Variants in PKD1L1 observed in about 807,000 individuals in gnomAD.
PKD1L1 encodes polycystin 1 like 1, transient receptor potential channel interacting.
Under a neutral mutation model 323.4 loss-of-function variants are expected in PKD1L1, and 236 were observed. The ratio of observed to expected loss-of-function variants is 0.73; its 90% CI spans 0.66 to 0.81. The LOEUF is 0.81. Ranked by LOEUF, PKD1L1 falls within the 40% of genes least tolerant of loss-of-function variation. The probability of loss-of-function intolerance (pLI) is 0.00; values close to 1 mark genes in which losing one functional copy is unlikely to be tolerated. For missense variants in PKD1L1, 3,320 were observed against 3,508.0 expected (o/e 0.95, Z 1.35); for synonymous variants, 1,344 against 1,335.0 (o/e 1.01, Z -0.15).
intron 56 of PKD1L1, among the ~76,000 whole-genome samples, chr7:47,788,044 T>C (rs1197825079): frequency 1.3e-5 from 2 of 152,180 alleles, no homozygotes; most frequent in African/African-American, 4.8e-5. Flanking sequence ...AATCTTTTTG[T>C]CCTTAACCTT....
intron 36 of PKD1L1, 64 bp from the exon 37 acceptor site, chr7:47,837,158 C>G: frequency 1.3e-6 from 2 of 1,560,010 alleles, no homozygotes; most frequent in African/African-American, 1.3e-5. Flanking sequence ...AAGCAAAGTA[C>G]TGTTAAGCAG....
At position 47,829,417 on chromosome 7, in the gene PKD1L1, T is replaced by G. The variant is rs771780823; in HGVS notation, c.6735+8A>C. 1.3e-6 allele frequency: 2 copies of G among 1,588,504 alleles called. No homozygotes were observed. The highest frequency in any genetic ancestry group is 1.7e-6 in the Non-Finnish European group (2 of 1,170,212). On this transcript the variant is annotated splice_region_variant and intron_variant, in intron 44 of 56. Transcript: ENST00000289672. ...CTCAATTTGCACTGCATAGGTAATT[T>G]TTTTTACTTTTTCAACCTCGCCTGC...
chr7:47,894,254 C>G lies in PKD1L1; in HGVS notation c.2272-195G>C, dbSNP rs17131917. ...AGAGCTGTGACTGGAGTCCACGAGA[C>G]CATGGACATCTTCCTATCCAAGCTT... On this transcript the variant is annotated intron_variant, in intron 14 of 56. Transcript: ENST00000289672. Among the ~76,000 whole-genome samples, 2,555 of 152,288 alleles carry G rather than the reference C, an allele frequency of 0.017. 77 individuals are homozygous for G. Among genetic ancestry groups the G allele is most frequent in the African/African-American group, 0.058 (2,393 of 41,548 alleles).
the PKD1L1 span, among the ~76,000 whole-genome samples, chr7:47,957,862 AAT>A: frequency 1.0e-3 from 140 of 134,696 alleles, 1 homozygote; most frequent in African/African-American, 3.5e-3. Flanking sequence ...ATTAAAAAAA[AAT>A]ATATATATAT....
intron 56 of PKD1L1, among the ~76,000 whole-genome samples, chr7:47,779,900 T>C (rs1482267303): frequency 2.6e-5 from 4 of 152,242 alleles, no homozygotes; most frequent in African/African-American, 7.2e-5. Context: ...GCACTTGTTA[T>C]GCACATTTGT....
intron 3 of PKD1L1, among the ~76,000 whole-genome samples, chr7:47,937,259 T>TGGGGGGGGGGGGGG (rs10610147): frequency 2.7e-5 from 2 of 73,088 alleles, no homozygotes; most frequent in African/African-American, 5.7e-5. Context: ...GGGGTGGGGG[T>TGGGGGGGGGGGGGG]GGGGGGGGGG....
rs1297061884 is a variant in PKD1L1 at position 47,855,892 on chromosome 7, A to G, written c.4591-627T>C. On this transcript the variant is annotated intron_variant, in intron 28 of 56. Coordinates refer to ENST00000289672, the MANE Select transcript of PKD1L1 (RefSeq NM_138295.5). ...CTCCGTCTCAAAAAAAAAAAAAAAA[A>G]AAAAAAAAGAAAAGTATATGCAAGA... Among the ~76,000 whole-genome samples, 11 of 95,762 alleles carry G rather than the reference A, an allele frequency of 1.1e-4. 1 individual carries two copies. Among genetic ancestry groups the G allele is most frequent in the Non-Finnish European group, 2.3e-4 (11 of 47,282 alleles). The allele number at this position is 95,762 out of a possible 152,430, so 62.8% of individuals were successfully genotyped here. A position where few individuals can be genotyped will look rare whatever the true frequency, so the allele number is the denominator to read the frequency against.
chr7:47,937,207 G>A (rs1399284017), intron 3 of PKD1L1, among the ~76,000 whole-genome samples: 2 of 138,132 alleles, frequency 1.4e-5, no homozygotes, highest in Non-Finnish European at 3.1e-5. Flanking sequence ...GTCGTGCTGC[G>A]GAAGAATAGA....
rs772386683 is a variant in PKD1L1, at chr7:47,855,234, G to A, written c.4622C>T (p.Thr1541Ile). 5.0e-6 allele frequency: 8 copies of A among 1,614,022 alleles called. No homozygotes were observed. The highest frequency in any genetic ancestry group is 6.8e-6 in the Non-Finnish European group (8 of 1,179,940). Reference protein sequence around the residue: ...IGGVVGLNLYTCSSRRPINRQ... With the variant: ...IGGVVGLNLYICSSRRPINRQ... ...GTTGATGGGTCTTCTGCTGGAGCAG[G>A]TATAGAGGTTGAGGCCCACAACTCC... Residue 1541 changes from threonine to isoleucine, a missense_variant, in exon 29 of 57, where the codon ACC becomes ATC. Thr to Ile is a moderately conservative substitution (Grantham distance 89). Transcript: ENST00000289672.
intron 4 of PKD1L1, among the ~76,000 whole-genome samples, chr7:47,934,170 C>T (rs905642566): frequency 7.9e-5 from 12 of 152,194 alleles, no homozygotes; most frequent in South Asian, 2.1e-4. Context: ...CCTGTGTGCC[C>T]GCAGCTCTGG....
intron 52 of PKD1L1, among the ~76,000 whole-genome samples, chr7:47,806,191 A>G (rs926587472): frequency 2.0e-5 from 3 of 152,200 alleles, no homozygotes; most frequent in Non-Finnish European, 4.4e-5. Context: ...TGCCCTAGTC[A>G]TGCTTCTAGA....
intron 54 of PKD1L1, among the ~76,000 whole-genome samples, chr7:47,799,191 G>A (rs1221451973): frequency 6.6e-6 from 1 of 152,186 alleles, no homozygotes. Context: ...TTGATGGATG[G>A]ATGGGTGGGT....
chr7:47,793,097 T>C (rs1475010199), intron 55 of PKD1L1, among the ~76,000 whole-genome samples: 1 of 143,356 alleles, frequency 7.0e-6, no homozygotes, highest in African/African-American at 2.5e-5. Flanking sequence ...CATGCTGCTA[T>C]GGGAAAATAA....
At chr7:47,943,251 C>A in intron 2 of PKD1L1, 145 bp downstream of exon 2, 1 of 506,878 alleles carries the variant, frequency 2.0e-6, no homozygotes, top group Non-Finnish European at 3.6e-6. Context: ...ACTTGCAAAA[C>A]AGCAGGTTTA....
intron 42 of PKD1L1, among the ~76,000 whole-genome samples, chr7:47,830,471 G>A (rs866919807): frequency 6.6e-5 from 10 of 152,212 alleles, no homozygotes; most frequent in South Asian, 2.1e-4. Context: ...GGATGCTGGC[G>A]GGTGCTCCGC....
At position 47,936,936 on chromosome 7, in the gene PKD1L1, T is replaced by A. The variant is rs773456323; in HGVS notation, c.308A>T (p.Glu103Val). The A allele has an allele frequency of 1.2e-6, 2 of 1,610,018 alleles. No individual in the cohort carries two copies. The highest frequency in any genetic ancestry group is 3.4e-5 in the Admixed American group (2 of 58,984). ...RQKNIWKTTS[E>V]AALSVVNEKT... ...TTCATTAACAACACTTAACGCTGCT[T>A]CACTAGTTGTTTTCCAAATGTTCTG... The change falls in exon 4 of 57, where the codon GAA becomes GTA. Residue 103 changes from glutamate to valine, a missense_variant. By Grantham distance (121) the Glu-to-Val change is moderately radical (BLOSUM62 -2). Coordinates refer to ENST00000289672, the MANE Select transcript of PKD1L1 (RefSeq NM_138295.5).
chr7:47,861,561 GA>G (rs957461195), intron 26 of PKD1L1, among the ~76,000 whole-genome samples: 14 of 152,196 alleles, frequency 9.2e-5, no homozygotes, highest in African/African-American at 3.4e-4. Context: ...GAGTCAAGTG[GA>G]AATGGGTGAA....
At chr7:47,909,518 C>T (rs1787274857) in intron 8 of PKD1L1, among the ~76,000 whole-genome samples, 1 of 152,252 alleles carries the variant, frequency 6.6e-6, no homozygotes, top group South Asian at 2.1e-4. Context: ...TCACTGGCTT[C>T]ACCTGGCATC....
chr7:47,791,131 T>A (rs1786936198), intron 56 of PKD1L1, among the ~76,000 whole-genome samples: 1 of 152,232 alleles, frequency 6.6e-6, no homozygotes, highest in South Asian at 2.1e-4. Context: ...TAAAGTCTTT[T>A]AAAATTATAT....
Sources: allele counts gnomAD v4.1 joint callset (sites outside exome capture counted in the v4.1 genomes callset), GRCh38; gene constraint gnomAD v4.1.1; transcripts MANE v1.5; gene names NCBI Gene and HGNC (gene_info 2026-07-23, HGNC 2026-07-21).